The following MYRFL variants were observed in gnomAD, a reference collection of about 807,000 sequenced individuals.
The protein encoded by MYRFL is myelin regulatory factor like, also known as myelin regulatory factor-like protein.
Under a neutral mutation model 109.4 loss-of-function variants are expected in MYRFL, and 88 were observed. The ratio of observed to expected loss-of-function variants is 0.80; its 90% CI spans 0.68 to 0.96. MYRFL has a LOEUF of 0.96. MYRFL is among the 40% of genes least tolerant of loss of function. The probability of loss-of-function intolerance (pLI) is 0.00; values close to 1 mark genes in which losing one functional copy is unlikely to be tolerated. For synonymous variants in MYRFL, 324 were observed against 320.9 expected (o/e 1.01, Z -0.10); for missense variants, 957 against 954.9 (o/e 1.00, Z -0.03).
At chr12:69,948,379 C>T (rs528012475) in intron 19 of MYRFL, among the ~76,000 whole-genome samples, 1 of 152,246 alleles carries the variant, frequency 6.6e-6, no homozygotes, top group East Asian at 1.9e-4. Context: ...CAATTGTATT[C>T]ATAGGGTTCT....
chr12:69,927,993 T>C (rs562116680), intron 15 of MYRFL, among the ~76,000 whole-genome samples: 2 of 152,324 alleles, frequency 1.3e-5, no homozygotes, highest in East Asian at 3.9e-4. Flanking sequence ...TTTTTGTTTA[T>C]GTTGTCCCCT....
chr12:69,865,754 T>C (rs1884983100), intron 2 of MYRFL, among the ~76,000 whole-genome samples: 2 of 152,138 alleles, frequency 1.3e-5, no homozygotes, highest in South Asian at 4.1e-4. Flanking sequence ...ACCAGAAATA[T>C]CTACCCATAG....
chr12:69,869,466 G>T lies in MYRFL; in HGVS notation c.138-9562G>T, dbSNP rs191840073. The stretch of plus-strand genomic sequence containing the variant: ...CTCAGTAAGATGAAGACAAATAAGA[G>T]TAAGGCAAGGAGGAGAGGCTACCAT... On this transcript the variant is annotated intron_variant, in intron 2 of 24. Coordinates refer to ENST00000552032, the MANE Select transcript of MYRFL (RefSeq NM_182530.3). Among the ~76,000 whole-genome samples the T allele has an allele frequency of 2.0e-5, 3 of 152,292 alleles. No individual in the cohort carries two copies. The East Asian group carries it at 5.8e-4, about 29-fold the overall frequency.
At position 69,903,795 on chromosome 12, in the gene MYRFL, G is replaced by A. The variant is rs952845335; in HGVS notation, c.1334G>A (p.Gly445Glu). Residue 445 changes from glycine to glutamate, a missense_variant, in exon 11 of 25, where the codon GGG (glycine) becomes GAG (glutamate). By Grantham distance (98) the Gly-to-Glu change is moderately conservative. Transcript: ENST00000552032. ...GTCTGTGGCAACATGAAAGTGATGG[G>A]GACCATCATGCATCCCTCTGACAGC... The part of the protein sequence containing the change: ...LVVCGNMKVM[G>E]TIMHPSDSRA... 2 of 1,535,294 alleles carry A rather than the reference G, an allele frequency of 1.3e-6. No homozygotes were observed. The highest frequency in any genetic ancestry group is 2.7e-5 in the African/African-American group (2 of 72,960).
intron 19 of MYRFL, among the ~76,000 whole-genome samples, chr12:69,940,400 A>G (rs1456756804): frequency 1.3e-5 from 2 of 150,718 alleles, no homozygotes; most frequent in African/African-American, 4.9e-5. Flanking sequence ...CCAATATTCA[A>G]CATTCTTAAA....
chr12:69,913,292 AG>A (rs753265323), intron 13 of MYRFL, among the ~76,000 whole-genome samples: 2 of 152,078 alleles, frequency 1.3e-5, no homozygotes, highest in Non-Finnish European at 2.9e-5. Context: ...TATGTACAAA[AG>A]TTTTAAATTT....
At chr12:69,889,750 G>C (rs1417644905) in intron 6 of MYRFL, among the ~76,000 whole-genome samples, 7 of 152,142 alleles carry the variant, frequency 4.6e-5, no homozygotes, top group Non-Finnish European at 1.5e-5. Context: ...CAGCTACTCA[G>C]GAGGCAGAGA....
intron 5 of MYRFL, among the ~76,000 whole-genome samples, chr12:69,882,152 G>A (rs1325727660): frequency 6.6e-6 from 1 of 152,202 alleles, no homozygotes; most frequent in Non-Finnish European, 1.5e-5. Context: ...CCATGGAAGA[G>A]TGATGGAAAT....
chr12:69,860,512 C>A (rs1884583503), intron 2 of MYRFL, among the ~76,000 whole-genome samples: 1 of 152,080 alleles, frequency 6.6e-6, no homozygotes, highest in African/African-American at 2.4e-5. Context: ...TTTTCCCTAT[C>A]TAATTGGACA....
At chr12:69,853,370 C>T (rs1310488862) in intron 1 of MYRFL, among the ~76,000 whole-genome samples, 10 of 142,288 alleles carry the variant, frequency 7.0e-5, no homozygotes, top group Middle Eastern at 5.1e-3. Flanking sequence ...AAGCGGCTGC[C>T]GGGCGGAGGG....
At position 69,958,323 on chromosome 12, in the gene MYRFL, G is replaced by A. The variant is rs988447972; in HGVS notation, c.2646G>A (p.Pro882=). ...TGTTCCATTTCCGTGTAGCTGCACCGGTAAGCTTGCTTTTTCTTTTTCTTT... is the reference window on the plus strand; with the variant it reads ...TGTTCCATTTCCGTGTAGCTGCACCAGTAAGCTTGCTTTTTCTTTTTCTTT... The part of the protein sequence containing the change: ...DSMFHFRVAA[P]DLADCSTDPY... The change falls in exon 24 of 25, where the codon CCG becomes CCA. Residue 882 remains proline (P), a splice_region_variant and synonymous_variant. Transcript: ENST00000552032. The A allele has an allele frequency of 5.9e-6, 9 of 1,535,314 alleles. No individual in the cohort carries two copies. The highest frequency in any genetic ancestry group is 2.4e-5 in the East Asian group (1 of 40,926).
rs115082685 is a variant in MYRFL at position 69,881,478 on chromosome 12, G to A, written c.556+1186G>A. Among the ~76,000 whole-genome samples, 707 of 152,270 alleles carry A rather than the reference G, an allele frequency of 4.6e-3. 10 individuals carry two copies. The highest frequency in any genetic ancestry group is 0.016 in the African/African-American group (661 of 41,558). On this transcript the variant is annotated intron_variant, in intron 5 of 24. Coordinates refer to ENST00000552032, the MANE Select transcript of MYRFL (RefSeq NM_182530.3). ...AGATGTGCGTGGCTTCACCTGAGTG[G>A]GAAAAAACACAGTCTCTCTTGCTGG...
intron 2 of MYRFL, among the ~76,000 whole-genome samples, chr12:69,866,004 T>G (rs955615808): frequency 1.3e-5 from 2 of 152,258 alleles, no homozygotes; most frequent in Middle Eastern, 3.4e-3. Flanking sequence ...GTTTTACAGA[T>G]GGGGAGGATA....
chr12:69,884,489 A>T (rs1320055336), intron 5 of MYRFL, among the ~76,000 whole-genome samples: 1 of 152,206 alleles, frequency 6.6e-6, no homozygotes, highest in Non-Finnish European at 1.5e-5. Flanking sequence ...CTTTGAGGAC[A>T]ATCCTCCCTG....
At chr12:69,862,290 T>G (rs1432049340) in intron 2 of MYRFL, among the ~76,000 whole-genome samples, 13 of 150,034 alleles carry the variant, frequency 8.7e-5, no homozygotes, top group South Asian at 2.1e-4. Context: ...GTGAAGAAAG[T>G]CATTGGTAGC....
At chr12:69,944,940 A>G (rs1333763588) in intron 19 of MYRFL, among the ~76,000 whole-genome samples, 2 of 152,126 alleles carry the variant, frequency 1.3e-5, no homozygotes, top group Non-Finnish European at 2.9e-5. Flanking sequence ...ATATGACTGT[A>G]TTAAATTACC....
chr12:69,843,140 C>A (rs901409117), intron 1 of MYRFL, among the ~76,000 whole-genome samples: 3 of 152,174 alleles, frequency 2.0e-5, no homozygotes, highest in Admixed American at 6.5e-5. Context: ...GTATTCTAAG[C>A]AAATGAGAGA....
chr12:69,861,731 G>A (rs1477057783), intron 2 of MYRFL, among the ~76,000 whole-genome samples: 11 of 151,348 alleles, frequency 7.3e-5, no homozygotes, highest in African/African-American at 2.4e-4. Flanking sequence ...TTCTTTTGCT[G>A]TGCAGAAGCT....
Position 69,886,890 on chromosome 12 carries a change from C to T in MYRFL, c.627C>T (p.Asp209=). ...DSEGQNRMPT[D]QCSPALKWQP... Reference sequence around the variant, plus strand: ...AGGGACAGAACAGAATGCCTACAGACCAGTGCTCTCCTGCTCTGAAGTGGC... The same window carrying T: ...AGGGACAGAACAGAATGCCTACAGATCAGTGCTCTCCTGCTCTGAAGTGGC... Residue 209 remains aspartate (D), a synonymous_variant, in exon 6 of 25, where the codon GAC becomes GAT. Coordinates refer to ENST00000552032, the MANE Select transcript of MYRFL (RefSeq NM_182530.3). 1 of 1,535,816 alleles carries T rather than the reference C, an allele frequency of 6.5e-7. No homozygotes were observed. Among genetic ancestry groups the T allele is most frequent in the Non-Finnish European group, 8.7e-7 (1 of 1,146,640 alleles).
Sources: gnomAD v4.1 joint callset for allele counts (sites outside exome capture counted in the v4.1 genomes callset) on GRCh38, gnomAD v4.1.1 for gene constraint, MANE v1.5 for transcripts, NCBI Gene and HGNC (gene_info 2026-07-23, HGNC 2026-07-21) for gene names.